EPHA3: variants seen among roughly 807,000 people sequenced by gnomAD.
EPHA3 encodes ephrin type-A receptor 3.
A neutral mutation model predicts 107.1 loss-of-function variants in EPHA3; 42 were observed. That is an observed-to-expected ratio of 0.39 (90% confidence interval 0.31 to 0.51). The LOEUF (loss-of-function observed/expected upper bound fraction) is 0.51. EPHA3 is among the 20% of genes least tolerant of loss of function. EPHA3 has a pLI of 0.78. For synonymous variants in EPHA3, 461 were observed against 424.8 expected, an observed-to-expected ratio of 1.09 and a Z score of -1.05; for missense variants, 1,183 against 1,211.2, an observed-to-expected ratio of 0.98 and a Z score of 0.35.
intron 2 of EPHA3, among the ~76,000 whole-genome samples, chr3:89,193,534 C>T (rs972226026): frequency 1.3e-5 from 2 of 151,778 alleles, no homozygotes; most frequent in African/African-American, 2.4e-5. Flanking sequence ...GGATAGCTAC[C>T]GTTAACAATA....
intron 13 of EPHA3, among the ~76,000 whole-genome samples, chr3:89,442,549 C>G (rs894092955): frequency 5.3e-5 from 8 of 152,100 alleles, no homozygotes; most frequent in African/African-American, 1.9e-4. Flanking sequence ...AGAAGTGCTG[C>G]TAGATATCCT....
intron 2 of EPHA3, among the ~76,000 whole-genome samples, chr3:89,202,515 CAAAAA>C (rs375753577): frequency 0.085 from 9,735 of 115,136 alleles, 296 homozygotes; most frequent in African/African-American, 0.096. Context: ...GACTCTGTCT[CAAAAA>C]AAAAAAAAAA....
chr3:89,418,095 C>T lies in EPHA3; in HGVS notation c.1889-1110C>T, dbSNP rs575901439. ...TCATATCACTTCAATCTGACTGACA[C>T]GTAGGGCATGAAGCTCATAGAAAAT... is the stretch of plus-strand genomic sequence containing the variant. On this transcript the variant is annotated intron_variant, in intron 10 of 16. Coordinates refer to ENST00000336596, the MANE Select transcript of EPHA3 (RefSeq NM_005233.6). 9.2e-5 allele frequency among the ~76,000 whole-genome samples: 14 copies of T among 151,438 alleles called. No homozygotes were observed. In the East Asian group the frequency reaches 1.9e-3, roughly 21 times the overall value.
chr3:89,244,236 T>C (rs1273343979), intron 3 of EPHA3, among the ~76,000 whole-genome samples: 1 of 152,060 alleles, frequency 6.6e-6, no homozygotes, highest in Non-Finnish European at 1.5e-5. Context: ...GCCAATAAAA[T>C]AGCTAGGTTA....
intron 3 of EPHA3, among the ~76,000 whole-genome samples, chr3:89,280,728 C>A (rs1705924411): frequency 6.6e-6 from 1 of 152,076 alleles, no homozygotes; most frequent in Non-Finnish European, 1.5e-5. Flanking sequence ...AAATATGGCA[C>A]AATCATACCT....
At chr3:89,220,225 G>A (rs1018456530) in intron 3 of EPHA3, among the ~76,000 whole-genome samples, 1 of 152,130 alleles carries the variant, frequency 6.6e-6, no homozygotes, top group Admixed American at 6.5e-5. Context: ...AAGGCTAAAG[G>A]TTCGAATTAT....
At chr3:89,178,786 T>C (rs1444079757) in intron 2 of EPHA3, among the ~76,000 whole-genome samples, 1 of 151,936 alleles carries the variant, frequency 6.6e-6, no homozygotes, top group East Asian at 1.9e-4. Flanking sequence ...AAGAAATTTA[T>C]ATTTTATTTT....
At chr3:89,253,817 AGAG>A (rs1186241185) in intron 3 of EPHA3, among the ~76,000 whole-genome samples, 2 of 112,414 alleles carry the variant, frequency 1.8e-5, no homozygotes, top group East Asian at 4.3e-4. Context: ...AGAAAAAATA[AGAG>A]GAGTTTTTTT....
chr3:89,218,695 G>C (rs1482152620), intron 3 of EPHA3, among the ~76,000 whole-genome samples: 1 of 152,010 alleles, frequency 6.6e-6, no homozygotes, highest in Non-Finnish European at 1.5e-5. Flanking sequence ...AGTTCTAGAA[G>C]AAGACATTTA....
At position 89,472,486 on chromosome 3, in the gene EPHA3, C is replaced by A. The variant is rs776875895; in HGVS notation, c.2713C>A (p.Gln905Lys). ...AARPSNLLLD[Q>K]SNVDITTFRT... ...CAGGCCATCAAACCTTCTTCTGGACCAAAGCAATGTGGATATCACTACCTT... is the reference window on the plus strand; with the variant it reads ...CAGGCCATCAAACCTTCTTCTGGACAAAAGCAATGTGGATATCACTACCTT... Residue 905 changes from glutamine to lysine, a missense_variant, in exon 16 of 17, where the codon CAA becomes AAA. Gln to Lys is a moderately conservative substitution (Grantham distance 53). Transcript: ENST00000336596. 8 of 1,613,682 alleles carry A rather than the reference C, an allele frequency of 5.0e-6. No individual in the cohort carries two copies. In the East Asian group the frequency reaches 1.6e-4, roughly 31 times the overall value.
chr3:89,112,332 AT>A (rs1192315889), intron 1 of EPHA3, among the ~76,000 whole-genome samples: 1 of 152,106 alleles, frequency 6.6e-6, no homozygotes, highest in African/African-American at 2.4e-5. Flanking sequence ...CTCGTTGGTC[AT>A]ATTAACAACT....
intron 3 of EPHA3, among the ~76,000 whole-genome samples, chr3:89,299,150 AT>A (rs1338437968): frequency 6.6e-6 from 1 of 152,080 alleles, no homozygotes; most frequent in African/African-American, 2.4e-5. Context: ...AACCATTAAA[AT>A]TTTTGGCATT....
intron 3 of EPHA3, among the ~76,000 whole-genome samples, chr3:89,219,688 G>GTTTTTTTTTTTTTTTTTTTTTTTTTTTT (rs1553666928): frequency 8.7e-5 from 3 of 34,440 alleles, no homozygotes; most frequent in Admixed American, 4.0e-4. Context: ...ATTTGGCAAT[G>GTTTTTTTTTTTTTTTTTTTTTTTTTTTT]TTTTTTTTTT....
intron 1 of EPHA3, among the ~76,000 whole-genome samples, chr3:89,123,914 A>G (rs1351604191): frequency 1.3e-5 from 2 of 152,242 alleles, no homozygotes; most frequent in Non-Finnish European, 2.9e-5. Flanking sequence ...TCATTAGAAT[A>G]TGAAATCTGG....
chr3:89,333,887 A>T (rs941107205), intron 3 of EPHA3, among the ~76,000 whole-genome samples: 19 of 152,136 alleles, frequency 1.2e-4, no homozygotes, highest in Admixed American at 4.6e-4. Flanking sequence ...AAAAGAAAAA[A>T]AAAAATAAAA....
rs533300559 is a variant in EPHA3 at position 89,426,488 on chromosome 3, G to A, written c.2075-2618G>A. Among the ~76,000 whole-genome samples the A allele has an allele frequency of 2.6e-5, 4 of 151,880 alleles. No homozygotes were observed. In the East Asian group the frequency reaches 7.8e-4, roughly 29 times the overall value. ...ATTTTCAGACTTGCCCATCTTAACT[G>A]ATGTGTTTACAAATACCTGAATTCT... On this transcript the variant is annotated intron_variant, in intron 11 of 16. Coordinates refer to ENST00000336596, the MANE Select transcript of EPHA3 (RefSeq NM_005233.6).
chr3:89,128,268 C>T (rs1704133790), intron 2 of EPHA3, among the ~76,000 whole-genome samples: 1 of 152,124 alleles, frequency 6.6e-6, no homozygotes, highest in Non-Finnish European at 1.5e-5. Flanking sequence ...ATCTATCTGT[C>T]ATCTTTGTAT....
chr3:89,257,076 C>T (rs1705302401), intron 3 of EPHA3, among the ~76,000 whole-genome samples: 2 of 152,270 alleles, frequency 1.3e-5, no homozygotes, highest in South Asian at 2.1e-4. Flanking sequence ...AATTATTTCA[C>T]CATGTTTGAA....
At chr3:89,396,628 C>CT (rs1708856649) in intron 6 of EPHA3, among the ~76,000 whole-genome samples, 1 of 152,026 alleles carries the variant, frequency 6.6e-6, no homozygotes, top group African/African-American at 2.4e-5. Flanking sequence ...CTAAATAACT[C>CT]ATTTTTTTTC....
Sources: allele counts gnomAD v4.1 joint callset (sites outside exome capture counted in the v4.1 genomes callset), GRCh38; gene constraint gnomAD v4.1.1; transcripts MANE v1.5; gene names NCBI Gene and HGNC (gene_info 2026-07-23, HGNC 2026-07-21).